Variants in CCDC68 observed in about 807,000 individuals in gnomAD.
CCDC68 encodes the protein coiled-coil domain-containing protein 68.
A neutral mutation model predicts 47.1 loss-of-function variants in CCDC68; 45 were observed. The ratio of observed to expected loss-of-function variants is 0.96; its 90% CI spans 0.75 to 1.23. CCDC68 has a LOEUF of 1.23. CCDC68 is among the 50% of genes most tolerant of loss of function. CCDC68 has a pLI of 0.00. For synonymous variants in CCDC68, 131 were observed against 129.5 expected, an observed-to-expected ratio of 1.01 and a Z score of -0.08; for missense variants, 353 against 373.6, an observed-to-expected ratio of 0.94 and a Z score of 0.45.
intron 10 of CCDC68, among the ~76,000 whole-genome samples, chr18:54,909,500 C>T (rs772170833): frequency 6.6e-6 from 1 of 151,750 alleles, no homozygotes; most frequent in South Asian, 2.1e-4. Context: ...AGGCCAGTGG[C>T]GCCTTTGCCA....
In CCDC68 at chr18:54,902,477, AG is replaced by A. The variant is rs1201668841; in HGVS notation, c.*1880del. On this transcript the variant is annotated 3_prime_UTR_variant, in exon 12 of 12. Transcript: ENST00000591504. The stretch of plus-strand genomic sequence containing the variant: ...GACTCATGATCCTAATTTTCCTACA[AG>A]TGTGCCTGAAAATGTATCATGAAGA... The A allele has an allele frequency of 1.3e-5, 2 of 152,166 alleles. No individual in the cohort carries two copies. The highest frequency in any genetic ancestry group is 2.9e-5 in the Non-Finnish European group (2 of 68,030). 9.4% of individuals were successfully genotyped at this position (152,166 alleles called of 1,614,324 possible). A position where few individuals can be genotyped will look rare whatever the true frequency, so the allele number is the denominator to read the frequency against.
chr18:54,956,369 A>C (rs2044713677), intron 1 of CCDC68, among the ~76,000 whole-genome samples: 2 of 152,184 alleles, frequency 1.3e-5, no homozygotes, highest in South Asian at 4.1e-4. Context: ...TGGATGTTTA[A>C]CTCTTGGCAT....
At chr18:54,944,170 C>T (rs970334856) in intron 2 of CCDC68, among the ~76,000 whole-genome samples, 1 of 152,002 alleles carries the variant, frequency 6.6e-6, no homozygotes, top group Non-Finnish European at 1.5e-5. Flanking sequence ...AGTTAGCATC[C>T]CTCACGGCCA....
At chr18:54,905,253 A>G (rs1472991875) in intron 11 of CCDC68, among the ~76,000 whole-genome samples, 1 of 151,162 alleles carries the variant, frequency 6.6e-6, no homozygotes, top group African/African-American at 2.4e-5. Flanking sequence ...GGCCCTGTCA[A>G]AACAGAAAAA....
At chr18:54,941,253 A>G (rs1404499432) in intron 3 of CCDC68, among the ~76,000 whole-genome samples, 170 bp from the exon 4 acceptor site, 1 of 152,208 alleles carries the variant, frequency 6.6e-6, no homozygotes, top group Non-Finnish European at 1.5e-5. Flanking sequence ...ATTTAGGCTA[A>G]TATTGTTTAG....
rs576684988 is a variant in CCDC68, at chr18:54,902,763, G to C, written c.*1595C>G. ...ATTTCTATAGCTGGGAAATTTCTTA[G>C]ACCACCATGTGAGCAAGTAGAATGA... is the stretch of plus-strand genomic sequence containing the variant. On this transcript the variant is annotated 3_prime_UTR_variant, in exon 12 of 12. Transcript: ENST00000591504. The C allele has an allele frequency of 1.3e-5, 2 of 152,278 alleles. No individual in the cohort carries two copies. Among genetic ancestry groups the C allele is most frequent in the Non-Finnish European group, 2.9e-5 (2 of 68,020 alleles). 9.4% of individuals were successfully genotyped at this position (152,278 alleles called of 1,614,324 possible).
In CCDC68 at chr18:54,953,479, C is replaced by T. The variant is rs914448614; in HGVS notation, c.-103+5857G>A. Among the ~76,000 whole-genome samples, 19 of 151,574 alleles carry T rather than the reference C, an allele frequency of 1.3e-4. No individual in the cohort carries two copies. In the South Asian group the frequency reaches 3.8e-3, roughly 30 times the overall value. ...TTTTTCTTCATTCAAATTCTTGACC[C>T]CCAAAAGAGTGTAAATGATTATATA... On this transcript the variant is annotated intron_variant, in intron 1 of 11. Coordinates refer to ENST00000591504, the MANE Select transcript of CCDC68 (RefSeq NM_025214.3).
intron 7 of CCDC68, among the ~76,000 whole-genome samples, chr18:54,930,996 G>T (rs1394764543): frequency 6.6e-6 from 1 of 151,844 alleles, no homozygotes; most frequent in Non-Finnish European, 1.5e-5. Context: ...GGGATTACAG[G>T]TGTAAGCCAC....
intron 11 of CCDC68, among the ~76,000 whole-genome samples, chr18:54,907,234 G>C (rs1051189260): frequency 1.3e-5 from 2 of 152,136 alleles, no homozygotes; most frequent in East Asian, 3.8e-4. Flanking sequence ...GACTTAGATG[G>C]TTTCAACCAT....
intron 8 of CCDC68, among the ~76,000 whole-genome samples, chr18:54,923,454 A>G (rs2044095590): frequency 6.6e-6 from 1 of 152,138 alleles, no homozygotes. Context: ...AAAAAAAAAA[A>G]AATTGAAATT....
chr18:54,932,977 A>G (rs1015345583), intron 7 of CCDC68, among the ~76,000 whole-genome samples: 2 of 152,208 alleles, frequency 1.3e-5, no homozygotes, highest in African/African-American at 2.4e-5. Context: ...TGGTGTTCAA[A>G]TATTTGTTTA....
intron 1 of CCDC68, among the ~76,000 whole-genome samples, chr18:54,955,001 A>T (rs372429414): frequency 1.1e-3 from 159 of 151,036 alleles, no homozygotes; most frequent in African/African-American, 3.8e-3. Context: ...TAAAAAAAAT[A>T]GTTTGCATTC....
At chr18:54,938,146 A>C (rs1383563455) in intron 4 of CCDC68, 49 bp from the exon 5 acceptor site, 1 of 1,553,754 alleles carries the variant, frequency 6.4e-7, no homozygotes, top group Non-Finnish European at 8.7e-7. Flanking sequence ...TTTCCTCTAC[A>C]AACTTTGACA....
intron 8 of CCDC68, among the ~76,000 whole-genome samples, chr18:54,925,449 G>A (rs924119935): frequency 6.6e-6 from 1 of 152,106 alleles, no homozygotes; most frequent in Admixed American, 6.6e-5. Flanking sequence ...TCTTATCAAG[G>A]ATTCATGTAG....
chr18:54,908,866 T>C (rs1028043457), intron 10 of CCDC68, among the ~76,000 whole-genome samples: 1 of 152,036 alleles, frequency 6.6e-6, no homozygotes, highest in African/African-American at 2.4e-5. Context: ...TGCACCACTA[T>C]GCCTGGCTAA....
intron 4 of CCDC68, among the ~76,000 whole-genome samples, chr18:54,940,554 G>T (rs1416368990): frequency 6.6e-6 from 1 of 152,192 alleles, no homozygotes; most frequent in Non-Finnish European, 1.5e-5. Context: ...GCTAAGTGCA[G>T]ATTGCTCGAC....
chr18:54,930,963 C>T (rs1438129921), intron 7 of CCDC68, among the ~76,000 whole-genome samples: 4 of 151,572 alleles, frequency 2.6e-5, no homozygotes, highest in African/African-American at 4.9e-5. Context: ...GGTGATCCAC[C>T]CGCCTTGGCC....
chr18:54,957,717 C>T (rs1050631144), intron 1 of CCDC68, among the ~76,000 whole-genome samples: 1 of 150,616 alleles, frequency 6.6e-6, no homozygotes, highest in African/African-American at 2.4e-5. Context: ...TTCATTTAAA[C>T]GTGTTAGTAA....
chr18:54,912,467 A>G (rs1914423186), intron 10 of CCDC68, among the ~76,000 whole-genome samples: 1 of 152,204 alleles, frequency 6.6e-6, no homozygotes, highest in Non-Finnish European at 1.5e-5. Flanking sequence ...ACCACAGGAA[A>G]AAAGGAGGTG....
Sources: allele counts gnomAD v4.1 joint callset (sites outside exome capture counted in the v4.1 genomes callset), GRCh38; gene constraint gnomAD v4.1.1; transcripts MANE v1.5; gene names NCBI Gene and HGNC (gene_info 2026-07-23, HGNC 2026-07-21).